Variants in ZFTA observed in about 807,000 individuals in gnomAD.
ZFTA encodes the protein zinc finger translocation associated.
Under a neutral mutation model 41.8 loss-of-function variants are expected in ZFTA, and 35 were observed. The observed-to-expected ratio is 0.84, with a 90% CI of 0.64 to 1.11. The LOEUF (loss-of-function observed/expected upper bound fraction) is 1.11, where lower values mean the gene tolerates loss of function less well. Ranked by LOEUF, ZFTA falls within the 50% of genes most tolerant of loss-of-function variation. The probability of loss-of-function intolerance (pLI) is 0.00; values close to 1 mark genes in which losing one functional copy is unlikely to be tolerated. For synonymous variants in ZFTA, 514 were observed against 436.4 expected (o/e 1.18, Z -2.22); for missense variants, 964 against 989.8 (o/e 0.97, Z 0.35).
intron 1 of ZFTA, among the ~76,000 whole-genome samples, chr11:63,766,683 G>C (rs1434533615): frequency 6.6e-6 from 1 of 152,208 alleles, no homozygotes; most frequent in Non-Finnish European, 1.5e-5. Context: ...AGAGCAGGCA[G>C]TGGGGCCAGA....
In ZFTA at chr11:63,766,216, T is replaced by G. The variant is rs1204463966; in HGVS notation, c.228A>C (p.Ser76=). The change falls in exon 2 of 5, where the codon TCA becomes TCC. Residue 76 remains serine, a synonymous_variant. Coordinates refer to ENST00000433688, the MANE Select transcript of ZFTA (RefSeq NM_001144936.2). ...PSSRARGPAS[S]GRKYSDHCEA... ...CACAGTGGTCTGAATATTTCCTGCCTGAAGATGCTGGTCCCCTGGCCCTGG... is the reference window on the plus strand; with the variant it reads ...CACAGTGGTCTGAATATTTCCTGCCGGAAGATGCTGGTCCCCTGGCCCTGG... The G allele has an allele frequency of 6.5e-7, 1 of 1,535,414 alleles. No homozygotes were observed. The highest frequency in any genetic ancestry group is 8.8e-7 in the Non-Finnish European group (1 of 1,140,742).
chr11:63,768,307 C>T (rs528627190), intron 1 of ZFTA, among the ~76,000 whole-genome samples, 177 bp downstream of exon 1: 1 of 149,752 alleles, frequency 6.7e-6, no homozygotes, highest in East Asian at 2.0e-4. Flanking sequence ...ACCCCGGGAG[C>T]TGGGCGGGGG....
chr11:63,760,326 G>A lies in ZFTA; in HGVS notation c.*3092C>T, dbSNP rs1228980114. 1 of 152,172 alleles carries A rather than the reference G, an allele frequency of 6.6e-6. No homozygotes were observed. The highest frequency in any genetic ancestry group is 1.5e-5 in the Non-Finnish European group (1 of 68,032). 9.4% of individuals were successfully genotyped at this position (152,172 alleles called of 1,614,324 possible). ...GAACTTGAGTGGTCACCTGTGATTA[G>A]CTCTTCTCCTAAACTAAGGCTGCTG... On this transcript the variant is annotated 3_prime_UTR_variant, in exon 5 of 5. Coordinates refer to ENST00000433688, the MANE Select transcript of ZFTA (RefSeq NM_001144936.2).
At chr11:63,768,388 C>T in intron 1 of ZFTA, 96 bp downstream of exon 1, 4 of 794,242 alleles carry the variant, frequency 5.0e-6, no homozygotes, top group South Asian at 5.6e-5. Flanking sequence ...TGCCCGCGTC[C>T]CCCGCTTTGT....
Position 63,763,472 on chromosome 11 carries a change from C to A in ZFTA, c.1983G>T (p.Pro661=), listed in dbSNP as rs569613131. ...YGHEGFGPPA[P]APRDGGADLK... ...GGTCCGCGCCGCCGTCACGCGGCGC[C>A]GGGGCGGGCGGCCCGAAGCCCTCGT... is the stretch of plus-strand genomic sequence containing the variant. The change falls in exon 5 of 5, where the codon CCG becomes CCT. Residue 661 remains proline, a synonymous_variant. Coordinates refer to ENST00000433688, the MANE Select transcript of ZFTA (RefSeq NM_001144936.2). 2.7e-5 allele frequency: 40 copies of A among 1,501,450 alleles called. 1 individual carries two copies. The South Asian group carries it at 5.0e-4, about 19-fold the overall frequency. 93.0% of individuals were successfully genotyped at this position (1,501,450 alleles called of 1,614,324 possible).
chr11:63,766,126 G>A lies in ZFTA; in HGVS notation c.318C>T (p.His106=), dbSNP rs376973642. Residue 106 remains histidine, a synonymous_variant, in exon 2 of 5, where the codon CAC becomes CAT. Coordinates refer to ENST00000433688, the MANE Select transcript of ZFTA (RefSeq NM_001144936.2). The part of the protein sequence containing the change: ...IPGRDHRRYY[H]DHWRLEYLMD... ...TCAGGTACTCCAGCCGCCAGTGGTCGTGGTAGTAGCGCCGGTGGTCACGGC... is the reference window on the plus strand; with the variant it reads ...TCAGGTACTCCAGCCGCCAGTGGTCATGGTAGTAGCGCCGGTGGTCACGGC... 1.3e-5 allele frequency: 19 copies of A among 1,519,488 alleles called. No homozygotes were observed. Among genetic ancestry groups the A allele is most frequent in the Non-Finnish European group, 1.5e-5 (17 of 1,129,476 alleles). The allele number at this position is 1,519,488 out of a possible 1,614,324, so 94.1% of individuals were successfully genotyped here. A position where few individuals can be genotyped will look rare whatever the true frequency, so the allele number is the denominator to read the frequency against.
chr11:63,766,057 G>A lies in ZFTA; in HGVS notation c.387C>T (p.Cys129=), dbSNP rs1391594608. 6 of 1,544,516 alleles carry A rather than the reference G, an allele frequency of 3.9e-6. No individual in the cohort carries two copies. The highest frequency in any genetic ancestry group is 2.0e-5 in the Admixed American group (1 of 50,474). The change falls in exon 2 of 5, where the codon TGC becomes TGT. Residue 129 remains cysteine, a synonymous_variant. Transcript: ENST00000433688. ...GCTTGAGGGTGGCCAGGGAGCTGCCGCACACCATGCACACCATGCCGTGCC... is the reference window on the plus strand; with the variant it reads ...GCTTGAGGGTGGCCAGGGAGCTGCCACACACCATGCACACCATGCCGTGCC... ...PARHGMVCMV[C]GSSLATLKLS...
chr11:63,766,514 A>G (rs934359096), intron 1 of ZFTA, among the ~76,000 whole-genome samples: 2 of 152,214 alleles, frequency 1.3e-5, no homozygotes, highest in African/African-American at 4.8e-5. Flanking sequence ...GAGGAGATCA[A>G]GAACAAAAGG....
chr11:63,768,513 C>T lies in ZFTA; in HGVS notation c.110G>A (p.Gly37Asp). 1 of 1,203,890 alleles carries T rather than the reference C, an allele frequency of 8.3e-7. No homozygotes were observed. Among genetic ancestry groups the T allele is most frequent in the Non-Finnish European group, 1.0e-6 (1 of 956,778 alleles). 74.6% of individuals were successfully genotyped at this position (1,203,890 alleles called of 1,614,324 possible). A position where few individuals can be genotyped will look rare whatever the true frequency, so the allele number is the denominator to read the frequency against. Residue 37 changes from glycine to aspartate, a missense_variant, in exon 1 of 5, where the codon GGC (glycine) becomes GAC (aspartate). Transcript: ENST00000433688. ...TTCGTCTTCCTCTGGCTCCGCGCTG[C>T]CGCTCGATCCGGCGGGCGGCAGCCG... The part of the protein sequence containing the change: ...GRRLPPAGSS[G>D]SAEPEEDEGG...
Position 63,761,507 on chromosome 11 carries a change from G to C in ZFTA, c.*1911C>G, listed in dbSNP as rs2014636662. ...GCATTGCCCAGCATGTCAATCCTTCGGCAGGCCTGACAAATTTTAATAACT... is the reference window on the plus strand; with the variant it reads ...GCATTGCCCAGCATGTCAATCCTTCCGCAGGCCTGACAAATTTTAATAACT... On this transcript the variant is annotated 3_prime_UTR_variant, in exon 5 of 5. Transcript: ENST00000433688. 1 of 152,074 alleles carries C rather than the reference G, an allele frequency of 6.6e-6. No individual in the cohort carries two copies. Among genetic ancestry groups the C allele is most frequent in the Non-Finnish European group, 1.5e-5 (1 of 68,048 alleles). 9.4% of individuals were successfully genotyped at this position (152,074 alleles called of 1,614,324 possible).
In ZFTA at chr11:63,760,440, A is replaced by G. The variant is rs994782552; in HGVS notation, c.*2978T>C. On this transcript the variant is annotated 3_prime_UTR_variant, in exon 5 of 5. Transcript: ENST00000433688. ...ATTTTTTAAATGACTGATGCAAACA[A>G]TTTCACAAATACGCATACAAATGTT... 15 of 152,310 alleles carry G rather than the reference A, an allele frequency of 9.8e-5. No homozygotes were observed. In the East Asian group the frequency reaches 2.3e-3, roughly 23 times the overall value. The allele number at this position is 152,310 out of a possible 1,614,324, so 9.4% of individuals were successfully genotyped here.
intron 1 of ZFTA, among the ~76,000 whole-genome samples, chr11:63,766,752 G>GC (rs1452546110): frequency 1.3e-5 from 2 of 152,076 alleles, no homozygotes; most frequent in Non-Finnish European, 1.5e-5. Context: ...CCCACCTGGG[G>GC]CCCCCGCCAG....
rs2014635712 is a variant in ZFTA at position 63,761,478 on chromosome 11, G to A, written c.*1940C>T. The stretch of plus-strand genomic sequence containing the variant: ...CAGGAGTCACAGATCCACCGTGGTG[G>A]CCTGCATTGCCCAGCATGTCAATCC... On this transcript the variant is annotated 3_prime_UTR_variant, in exon 5 of 5. Transcript: ENST00000433688. 1 of 152,138 alleles carries A rather than the reference G, an allele frequency of 6.6e-6. No homozygotes were observed. Among genetic ancestry groups the A allele is most frequent in the South Asian group, 2.1e-4 (1 of 4,830 alleles). 9.4% of individuals were successfully genotyped at this position (152,138 alleles called of 1,614,324 possible).
chr11:63,764,901 C>G lies in ZFTA; in HGVS notation c.991G>C (p.Glu331Gln). 2.6e-6 allele frequency: 4 copies of G among 1,527,990 alleles called. No individual in the cohort carries two copies. In the South Asian group the frequency reaches 3.7e-5, roughly 14 times the overall value. 94.7% of individuals were successfully genotyped at this position (1,527,990 alleles called of 1,614,324 possible). ...GACTGGGTGAGCTCAGACAGCGCCT[C>G]GGGCTGGCCCCCCCAGGCCTGCAGC... is the stretch of plus-strand genomic sequence containing the variant. ...ALLQAWGGQP[E>Q]ALSELTQSPP... Residue 331 changes from glutamate (E) to glutamine (Q), a missense_variant, in exon 3 of 5, where the codon GAG becomes CAG. Physicochemically the swap from Glu to Gln is conservative, Grantham distance 29. This residue lies in a region of ZFTA where 584 missense variants were observed against 523.1 expected (regional missense o/e 1.12). Coordinates refer to ENST00000433688, the MANE Select transcript of ZFTA (RefSeq NM_001144936.2).
At chr11:63,767,452 G>C (rs969683936) in intron 1 of ZFTA, 1 of 152,288 alleles carries the variant, frequency 6.6e-6, no homozygotes, top group Non-Finnish European at 1.5e-5. Context: ...TGTGACCTTT[G>C]ATAGGTCATG....
At chr11:63,768,438 C>A (rs1590912280) in intron 1 of ZFTA, 46 bp downstream of exon 1, 1 of 1,071,100 alleles carries the variant, frequency 9.3e-7, no homozygotes. Flanking sequence ...GCCCTCCCTT[C>A]CCCCACGCCG....
At position 63,764,183 on chromosome 11, in the gene ZFTA, C is replaced by T; in HGVS notation, c.1440G>A (p.Trp480Ter). 2 of 1,383,630 alleles carry T rather than the reference C, an allele frequency of 1.4e-6. No homozygotes were observed. The highest frequency in any genetic ancestry group is 1.9e-6 in the Non-Finnish European group (2 of 1,078,010). 85.7% of individuals were successfully genotyped at this position (1,383,630 alleles called of 1,614,324 possible). ...CCAGCAGGTGGGCGGCCTTCTCGCT[C>T]CACTCCCGGGCGATGAGGGCCTGGA... ...GPVQALIARE[W>*]SEKAAHLLAL... Residue 480 changes from tryptophan (W) to a stop codon, truncating the protein, a stop_gained, in exon 4 of 5, where the codon TGG becomes TGA. Transcript: ENST00000433688. LOFTEE classifies it high-confidence loss of function.
chr11:63,765,123 C>A lies in ZFTA; in HGVS notation c.769G>T (p.Glu257Ter). ...GSRGLGARRL[E>*]RRLKESLQNW... The stretch of plus-strand genomic sequence containing the variant: ...TGCAGGGACTCCTTCAGCCTCCTCT[C>A]CAGGCGCCGGGCCCCCAGCCCCCTG... The change falls in exon 3 of 5, where the codon GAG (glutamate) becomes TAG (stop). Residue 257 changes from glutamate to a stop codon, truncating the protein, a stop_gained. Coordinates refer to ENST00000433688, the MANE Select transcript of ZFTA (RefSeq NM_001144936.2). LOFTEE classifies it high-confidence loss of function. The surrounding 1 kb of genome is among the most constrained non-coding windows in gnomAD (Gnocchi z 4.0). The A allele has an allele frequency of 6.5e-7, 1 of 1,547,924 alleles. No homozygotes were observed. The highest frequency in any genetic ancestry group is 8.7e-7 in the Non-Finnish European group (1 of 1,146,258).
chr11:63,766,556 T>C (rs1382319250), intron 1 of ZFTA, among the ~76,000 whole-genome samples: 1 of 152,158 alleles, frequency 6.6e-6, no homozygotes, highest in Non-Finnish European at 1.5e-5. Flanking sequence ...GCTCTGACTT[T>C]TTAAAAAATA....
Sources: gnomAD v4.1 joint callset for allele counts (sites outside exome capture counted in the v4.1 genomes callset) on GRCh38, gnomAD v4.1.1 for gene constraint, gnomAD v4.1.1 regional missense constraint, Gnocchi (gnomAD v3.1) non-coding constraint, MANE v1.5 for transcripts, NCBI Gene and HGNC (gene_info 2026-07-23, HGNC 2026-07-21) for gene names.